Variants in GLIPR1 observed in about 807,000 individuals in gnomAD.
GLIPR1 encodes the protein GLI pathogenesis related 1.
GLIPR1 carries 38 observed loss-of-function variants against 30.3 expected under a neutral mutation model. That is an observed-to-expected ratio of 1.26 (90% CI 0.97 to 1.65). The LOEUF is 1.65. GLIPR1 is among the 40% of genes most tolerant of loss of function. The pLI, the probability that GLIPR1 is intolerant of heterozygous loss-of-function variation, is 0.00. For missense variants in GLIPR1, 285 were observed against 326.5 expected, an observed-to-expected ratio of 0.87 and a Z score of 0.98; for synonymous variants, 122 against 110.6, an observed-to-expected ratio of 1.10 and a Z score of -0.65.
chr12:75,493,117 T>C (rs2046332548), intron 3 of GLIPR1: 2 of 152,072 alleles, frequency 1.3e-5, no homozygotes, highest in East Asian at 1.9e-4. Flanking sequence ...AGGAAGGCAG[T>C]TGCAGATCTA....
At position 75,490,453 on chromosome 12, in the gene GLIPR1, C is replaced by T; in HGVS notation, c.468C>T (p.Cys156=). Residue 156 remains cysteine, a synonymous_variant, in exon 3 of 6, where the codon TGC becomes TGT. Coordinates refer to ENST00000266659, the MANE Select transcript of GLIPR1 (RefSeq NM_006851.3). ...SYKVGCAVQF[C]PKVSGFDALS... Reference sequence around the variant, plus strand: ...AAGTTGGCTGCGCAGTTCAATTTTGCCCTAAAGTTTCTGGCTTTGACGCTC... The same window carrying T: ...AAGTTGGCTGCGCAGTTCAATTTTGTCCTAAAGTTTCTGGCTTTGACGCTC... 6.2e-7 allele frequency: 1 copy of T among 1,606,044 alleles called. No individual in the cohort carries two copies. The highest frequency in any genetic ancestry group is 8.5e-7 in the Non-Finnish European group (1 of 1,174,818).
rs35207358 is a variant in GLIPR1, at chr12:75,499,698, C to CA, written c.*733dup. The CA allele has an allele frequency of 0.023, 12,882 of 559,558 alleles. 22 individuals carry two copies. Among genetic ancestry groups the CA allele is most frequent in the East Asian group, 0.072 (2,066 of 28,500 alleles). The allele number at this position is 559,558 out of a possible 1,614,324, so 34.7% of individuals were successfully genotyped here. A position where few individuals can be genotyped will look rare whatever the true frequency, so the allele number is the denominator to read the frequency against. ...CTCTTCTATGAACAACCACCACCAC[C>CA]AAAAAAAAAAAAAGCCCTCAGAAAA... is the stretch of plus-strand genomic sequence containing the variant. On this transcript the variant is annotated 3_prime_UTR_variant, in exon 6 of 6. Transcript: ENST00000266659.
At chr12:75,490,195 T>TCACA (rs71829276) in intron 2 of GLIPR1, among the ~76,000 whole-genome samples, 29,799 of 141,374 alleles carry the variant, frequency 0.21, 3,230 homozygotes, top group Admixed American at 0.31. Flanking sequence ...TTATCTTATT[T>TCACA]CACACACACA....
chr12:75,499,152 C>A lies in GLIPR1; in HGVS notation c.*174C>A. 1 of 456,490 alleles carries A rather than the reference C, an allele frequency of 2.2e-6. No individual in the cohort carries two copies. Among genetic ancestry groups the A allele is most frequent in the South Asian group, 4.1e-5 (1 of 24,466 alleles). 28.3% of individuals were successfully genotyped at this position (456,490 alleles called of 1,614,324 possible). On this transcript the variant is annotated 3_prime_UTR_variant, in exon 6 of 6. Coordinates refer to ENST00000266659, the MANE Select transcript of GLIPR1 (RefSeq NM_006851.3). The stretch of plus-strand genomic sequence containing the variant: ...TCCTAACTCTATCAGATAAACTCAT[C>A]TTTAGTATAAATAAGCATTATTTGC...
chr12:75,501,905 A>G lies in GLIPR1; in HGVS notation c.*2927A>G. 1.2e-6 allele frequency: 2 copies of G among 1,606,838 alleles called. No individual in the cohort carries two copies. The highest frequency in any genetic ancestry group is 1.7e-6 in the Non-Finnish European group (2 of 1,177,454). On this transcript the variant is annotated 3_prime_UTR_variant, in exon 6 of 6. Coordinates refer to ENST00000266659, the MANE Select transcript of GLIPR1 (RefSeq NM_006851.3). ...ATGAACTTTGCTATTCATGTGAGCC[A>G]GACATAAAGTGCCGTACCTTTATTG...
At chr12:75,496,316 C>CTT (rs2046351532) in intron 4 of GLIPR1, 1 of 152,010 alleles carries the variant, frequency 6.6e-6, no homozygotes, top group Non-Finnish European at 1.5e-5. Context: ...GATTGTACCA[C>CTT]TGCACTCCAG....
chr12:75,490,619 T>A, intron 3 of GLIPR1, 101 bp downstream of exon 3: 1 of 574,818 alleles, frequency 1.7e-6, no homozygotes, highest in Non-Finnish European at 3.0e-6. Context: ...CTCTTCATTA[T>A]AGAAAATCTG....
At chr12:75,487,772 AAG>A (rs942877806) in intron 2 of GLIPR1, 10 of 456,426 alleles carry the variant, frequency 2.2e-5, no homozygotes, top group African/African-American at 2.0e-4. Context: ...TCCAAACCCC[AAG>A]AGAGGGTTCT....
chr12:75,487,504 G>C (rs1037479623), intron 2 of GLIPR1, among the ~76,000 whole-genome samples: 1 of 152,204 alleles, frequency 6.6e-6, no homozygotes, highest in Non-Finnish European at 1.5e-5. Context: ...GGGGTTCCTG[G>C]GGATAAAGAA....
At chr12:75,489,762 G>C (rs1446995707) in intron 2 of GLIPR1, 1 of 152,268 alleles carries the variant, frequency 6.6e-6, no homozygotes, top group Non-Finnish European at 1.5e-5. Context: ...CACTGAAACA[G>C]CCTCCAAAAT....
rs2046372290 is a variant in GLIPR1 at position 75,499,133 on chromosome 12, C to T, written c.*155C>T. On this transcript the variant is annotated 3_prime_UTR_variant, in exon 6 of 6. Coordinates refer to ENST00000266659, the MANE Select transcript of GLIPR1 (RefSeq NM_006851.3). Reference sequence around the variant, plus strand: ...TTACTCAAAAGAAGAAATTTCCTAACTCTATCAGATAAACTCATCTTTAGT... The same window carrying T: ...TTACTCAAAAGAAGAAATTTCCTAATTCTATCAGATAAACTCATCTTTAGT... 1 of 486,020 alleles carries T rather than the reference C, an allele frequency of 2.1e-6. No individual in the cohort carries two copies. Among genetic ancestry groups the T allele is most frequent in the Non-Finnish European group, 3.6e-6 (1 of 281,306 alleles). The allele number at this position is 486,020 out of a possible 1,614,324, so 30.1% of individuals were successfully genotyped here.
At chr12:75,486,976 CCTGA>C (rs2046296352) in intron 2 of GLIPR1, among the ~76,000 whole-genome samples, 1 of 151,944 alleles carries the variant, frequency 6.6e-6, no homozygotes, top group African/African-American at 2.4e-5. Flanking sequence ...CCCTAATAAA[CCTGA>C]CTTTTAAAAA....
intron 4 of GLIPR1, chr12:75,496,747 A>G (rs1381902252): frequency 1.3e-5 from 2 of 152,196 alleles, no homozygotes; most frequent in Middle Eastern, 3.2e-3. Context: ...AGTTTGGAAA[A>G]AAGTGTTCCA....
chr12:75,495,594 G>A lies in GLIPR1; in HGVS notation c.551G>A (p.Trp184Ter). 6.2e-7 allele frequency: 1 copy of A among 1,605,120 alleles called. No individual in the cohort carries two copies. The highest frequency in any genetic ancestry group is 1.1e-5 in the South Asian group (1 of 90,888). The change falls in exon 4 of 6, where the codon TGG (tryptophan) becomes TAG (stop). Residue 184 changes from tryptophan (W) to a stop codon, truncating the protein, a stop_gained. Transcript: ENST00000266659. LOFTEE classifies it high-confidence loss of function. ...CTTTACAGAGGGAATTACCCAACTT[G>A]GCCATATAAGAGAGGAGCCACCTGC... ...NYGPGGNYPT[W>*]PYKRGATCSA...
In GLIPR1 at chr12:75,498,849, C is replaced by T. The variant is rs1388413216; in HGVS notation, c.672C>T (p.Gly224=). 6.2e-7 allele frequency: 1 copy of T among 1,612,264 alleles called. No homozygotes were observed. ...GTTACTACTCTGTTGTATATCCAGG[C>T]TGGCCCATATATCCACGTAACAGAT... The part of the protein sequence containing the change: ...VKRYYSVVYP[G]WPIYPRNRYT... Residue 224 remains glycine (G), a synonymous_variant, in exon 6 of 6, where the codon GGC becomes GGT. Coordinates refer to ENST00000266659, the MANE Select transcript of GLIPR1 (RefSeq NM_006851.3).
chr12:75,499,694 C>T lies in GLIPR1; in HGVS notation c.*716C>T. The T allele has an allele frequency of 1.6e-6, 1 of 608,708 alleles. No homozygotes were observed. The highest frequency in any genetic ancestry group is 2.0e-5 in the African/African-American group (1 of 49,766). 37.7% of individuals were successfully genotyped at this position (608,708 alleles called of 1,614,324 possible). On this transcript the variant is annotated 3_prime_UTR_variant, in exon 6 of 6. Coordinates refer to ENST00000266659, the MANE Select transcript of GLIPR1 (RefSeq NM_006851.3). ...AACACTCTTCTATGAACAACCACCA[C>T]CACCAAAAAAAAAAAAAGCCCTCAG...
At position 75,490,400 on chromosome 12, in the gene GLIPR1, T is replaced by C. The variant is rs1293525043; in HGVS notation, c.421-6T>C. On this transcript the variant is annotated splice_polypyrimidine_tract_variant and splice_region_variant and intron_variant, in intron 2 of 5. Coordinates refer to ENST00000266659, the MANE Select transcript of GLIPR1 (RefSeq NM_006851.3). ...TTCTCTGTTAAAAATCCTTATTTCC[T>C]TTCAGGTTGTTTGGGCAGATAGTTA... 12 of 1,514,976 alleles carry C rather than the reference T, an allele frequency of 7.9e-6. No individual in the cohort carries two copies. The highest frequency in any genetic ancestry group is 1.1e-5 in the Non-Finnish European group (12 of 1,091,526). 93.8% of individuals were successfully genotyped at this position (1,514,976 alleles called of 1,614,324 possible).
chr12:75,484,384 C>T (rs977842689), intron 2 of GLIPR1: 2 of 152,168 alleles, frequency 1.3e-5, no homozygotes, highest in African/African-American at 4.8e-5. Context: ...AATGGTATTA[C>T]CCACAGGTGA....
intron 2 of GLIPR1, among the ~76,000 whole-genome samples, chr12:75,488,090 A>G (rs1261239720): frequency 6.6e-6 from 1 of 152,120 alleles, no homozygotes; most frequent in African/African-American, 2.4e-5. Flanking sequence ...GGTGGGTTTT[A>G]GCTGGCTTCC....
Sources: allele counts gnomAD v4.1 joint callset (sites outside exome capture counted in the v4.1 genomes callset), GRCh38; gene constraint gnomAD v4.1.1; transcripts MANE v1.5; gene names NCBI Gene and HGNC (gene_info 2026-07-23, HGNC 2026-07-21).